The following TNS3 variants were observed in gnomAD, a reference collection of about 807,000 sequenced individuals.
TNS3 encodes the protein tensin-3.
In TNS3, 45 loss-of-function variants were observed where a neutral mutation model predicts 140.9. That is an observed-to-expected ratio of 0.32 (90% CI 0.25 to 0.41). TNS3 has a LOEUF of 0.41. Ranked by LOEUF, TNS3 falls within the 10% of genes least tolerant of loss-of-function variation. TNS3 has a pLI of 1.00. For missense variants in TNS3, 1,716 were observed against 1,906.7 expected (o/e 0.90, Z 1.86); for synonymous variants, 815 against 788.4 (o/e 1.03, Z -0.56).
chr7:47,445,886 C>T (rs1378754559), intron 4 of TNS3, among the ~76,000 whole-genome samples: 2 of 152,224 alleles, frequency 1.3e-5, no homozygotes, highest in Non-Finnish European at 2.9e-5. Context: ...TGAAAGTAAA[C>T]AATACACCTA....
At chr7:47,410,863 C>T (rs1013144879) in intron 13 of TNS3, among the ~76,000 whole-genome samples, 1 of 152,012 alleles carries the variant, frequency 6.6e-6, no homozygotes, top group African/African-American at 2.4e-5. Flanking sequence ...AAAAATTTTC[C>T]TAAAATTATT....
intron 23 of TNS3, among the ~76,000 whole-genome samples, chr7:47,301,936 A>G (rs1042955359): frequency 2.0e-5 from 3 of 152,178 alleles, no homozygotes; most frequent in African/African-American, 7.2e-5. Flanking sequence ...CACCCTACAC[A>G]CTGGAATGCT....
intron 3 of TNS3, among the ~76,000 whole-genome samples, chr7:47,481,493 C>T (rs1797417015): frequency 6.6e-6 from 1 of 152,144 alleles, no homozygotes; most frequent in African/African-American, 2.4e-5. Context: ...AGCTTGGGAG[C>T]GGGGCCCAGA....
chr7:47,303,471 C>T lies in TNS3; in HGVS notation c.2936G>A (p.Arg979Lys), dbSNP rs1199798637. 1 of 1,611,968 alleles carries T rather than the reference C, an allele frequency of 6.2e-7. No homozygotes were observed. Among genetic ancestry groups the T allele is most frequent in the Non-Finnish European group, 8.5e-7 (1 of 1,180,012 alleles). ...SPLSAEFSGT[R>K]KDSPVLSCFP... ...GCAGGACAGCACTGGGGAGTCCTTC[C>T]TGGTACCGGAGAACTCAGCGCTGAG... Residue 979 changes from arginine to lysine, a missense_variant, in exon 22 of 31, where the codon AGG (arginine) becomes AAG (lysine). This residue lies in a region of TNS3 where 1,163 missense variants were observed against 1,182.1 expected (regional missense o/e 0.98). Coordinates refer to ENST00000311160, the MANE Select transcript of TNS3 (RefSeq NM_022748.12).
chr7:47,441,915 A>T, intron 5 of TNS3, 88 bp downstream of exon 5: 1 of 954,344 alleles, frequency 1.0e-6, no homozygotes, highest in Non-Finnish European at 1.5e-6. Flanking sequence ...TTTCTACAGA[A>T]GAAAATGATG....
In TNS3 at chr7:47,389,109, C is replaced by CGGAAGAAGAAGAAGAAGA. The variant is rs1554310453; in HGVS notation, c.1024+7690_1024+7691insTCTTCTTCTTCTTCTTCC. On this transcript the variant is annotated intron_variant, in intron 16 of 30. Coordinates refer to ENST00000311160, the MANE Select transcript of TNS3 (RefSeq NM_022748.12). The stretch of plus-strand genomic sequence containing the variant: ...GAGGAAGAGGAAGAGGAAGCGGAAG[C>CGGAAGAAGAAGAAGAAGA]AGAAGAAGAAGAAGAAGAAGAAGAA... 3.4e-4 allele frequency among the ~76,000 whole-genome samples: 20 copies of CGGAAGAAGAAGAAGAAGA among 59,138 alleles called. 4 individuals are homozygous for CGGAAGAAGAAGAAGAAGA. Among genetic ancestry groups the CGGAAGAAGAAGAAGAAGA allele is most frequent in the African/African-American group, 1.2e-3 (17 of 14,772 alleles). The allele number at this position is 59,138 out of a possible 152,430, so 38.8% of individuals were successfully genotyped here. A position where few individuals can be genotyped will look rare whatever the true frequency, so the allele number is the denominator to read the frequency against.
At chr7:47,327,380 A>C (rs1330389139) in intron 20 of TNS3, among the ~76,000 whole-genome samples, 4 of 152,222 alleles carry the variant, frequency 2.6e-5, no homozygotes, top group African/African-American at 9.7e-5. Context: ...GCCTGATCCT[A>C]ACGCTTGCTT....
intron 17 of TNS3, among the ~76,000 whole-genome samples, chr7:47,365,815 CA>C (rs766598306): frequency 6.6e-6 from 1 of 151,988 alleles, no homozygotes; most frequent in Non-Finnish European, 1.5e-5. Flanking sequence ...TAAAAACAGC[CA>C]AACTGAGGGT....
chr7:47,283,961 T>A, intron 27 of TNS3, 96 bp from the exon 28 acceptor site: 1 of 1,230,436 alleles, frequency 8.1e-7, no homozygotes, highest in East Asian at 2.6e-5. Context: ...AGACTGGGTT[T>A]ATGAACAACT....
intron 8 of TNS3, among the ~76,000 whole-genome samples, chr7:47,434,507 A>T (rs1156711543): frequency 1.3e-4 from 20 of 152,184 alleles, no homozygotes. Flanking sequence ...TTTCTCTAAT[A>T]GTAAGTTTCT....
chr7:47,501,224 G>A (rs1287193738), intron 3 of TNS3, among the ~76,000 whole-genome samples: 1 of 151,736 alleles, frequency 6.6e-6, no homozygotes, highest in East Asian at 1.9e-4. Context: ...GAGGGAGAAA[G>A]GAAGAGAGAA....
intron 8 of TNS3, among the ~76,000 whole-genome samples, chr7:47,430,963 T>C (rs1435046646): frequency 6.6e-6 from 1 of 152,078 alleles, no homozygotes; most frequent in Non-Finnish European, 1.5e-5. Flanking sequence ...CCTCAGGTGA[T>C]CTGCCCGCCT....
intron 1 of TNS3, among the ~76,000 whole-genome samples, chr7:47,575,851 A>G (rs1261838573): frequency 6.6e-6 from 1 of 151,434 alleles, no homozygotes; most frequent in African/African-American, 2.4e-5. Context: ...AAAAAGCAGC[A>G]AAAATATGCT....
Position 47,432,870 on chromosome 7 carries a change from T to C in TNS3, c.324+2412A>G, listed in dbSNP as rs185646337. The stretch of plus-strand genomic sequence containing the variant: ...CACGATAGGCTCATGGACTGTTACG[T>C]TTTAGTGCAAGCTGCATTCTTTTGG... On this transcript the variant is annotated intron_variant, in intron 8 of 30. Transcript: ENST00000311160. Among the ~76,000 whole-genome samples the C allele has an allele frequency of 1.4e-4, 21 of 152,282 alleles. No individual in the cohort carries two copies. The East Asian group carries it at 3.9e-3, about 28-fold the overall frequency.
chr7:47,546,593 A>C (rs1265381636), intron 1 of TNS3, among the ~76,000 whole-genome samples: 1 of 152,142 alleles, frequency 6.6e-6, no homozygotes, highest in Admixed American at 6.5e-5. Flanking sequence ...AATATCACTA[A>C]AGTATACTTA....
At chr7:47,560,178 G>A (rs1290250416) in intron 1 of TNS3, among the ~76,000 whole-genome samples, 1 of 152,006 alleles carries the variant, frequency 6.6e-6, no homozygotes, top group Non-Finnish European at 1.5e-5. Context: ...GAGGAGCTGG[G>A]GCCTCAGGAA....
At chr7:47,390,410 G>A (rs566222564) in intron 16 of TNS3, among the ~76,000 whole-genome samples, 13 of 152,330 alleles carry the variant, frequency 8.5e-5, no homozygotes, top group African/African-American at 2.6e-4. Flanking sequence ...CATTCCTGGA[G>A]CTCGGAACAG....
intron 3 of TNS3, among the ~76,000 whole-genome samples, chr7:47,491,023 A>C (rs1360707499): frequency 6.6e-6 from 1 of 152,178 alleles, no homozygotes; most frequent in East Asian, 1.9e-4. Context: ...ATGAGCTGTC[A>C]CAGATGAGGA....
intron 20 of TNS3, among the ~76,000 whole-genome samples, chr7:47,312,619 C>G (rs1465645281): frequency 6.6e-6 from 1 of 151,968 alleles, no homozygotes; most frequent in African/African-American, 2.4e-5. Flanking sequence ...AAGAGAATCA[C>G]TTGAACCTGG....
Sources: gnomAD v4.1 joint callset for allele counts (sites outside exome capture counted in the v4.1 genomes callset) on GRCh38, gnomAD v4.1.1 for gene constraint, gnomAD v4.1.1 regional missense constraint, MANE v1.5 for transcripts, NCBI Gene and HGNC (gene_info 2026-07-23, HGNC 2026-07-21) for gene names.